Variants in PTPRD observed in about 807,000 individuals in gnomAD.
PTPRD encodes the protein protein tyrosine phosphatase receptor type D.
PTPRD carries 34 observed loss-of-function variants against 214.5 expected under a neutral mutation model. The observed-to-expected ratio is 0.16, with a 90% CI of 0.12 to 0.21. The LOEUF (loss-of-function observed/expected upper bound fraction) is 0.21. PTPRD is among the 10% of genes least tolerant of loss of function. The pLI is 1.00. For synonymous variants in PTPRD, 1,128 were observed against 845.7 expected, an observed-to-expected ratio of 1.33 and a Z score of -5.79; for missense variants, 2,545 against 2,398.7, an observed-to-expected ratio of 1.06 and a Z score of -1.27.
intron 2 of PTPRD, among the ~76,000 whole-genome samples, chr9:10,354,767 C>G (rs1234438419): frequency 1.3e-5 from 2 of 152,068 alleles, no homozygotes; most frequent in African/African-American, 4.8e-5. Flanking sequence ...ATCTTCATGT[C>G]ATTTTTTACT....
At chr9:9,081,990 G>GC (rs1024630359) in intron 10 of PTPRD, among the ~76,000 whole-genome samples, 1 of 151,786 alleles carries the variant, frequency 6.6e-6, no homozygotes, top group African/African-American at 2.4e-5. Flanking sequence ...ACCAAAAAAA[G>GC]CCCAAGACCA....
chr9:9,078,538 T>C (rs1023217594), intron 10 of PTPRD, among the ~76,000 whole-genome samples: 9 of 152,078 alleles, frequency 5.9e-5, no homozygotes, highest in Non-Finnish European at 1.3e-4. Flanking sequence ...AAGAAAGAAA[T>C]ACTTGGCTCA....
intron 2 of PTPRD, among the ~76,000 whole-genome samples, chr9:10,533,611 T>C (rs1166530264): frequency 6.6e-6 from 1 of 151,970 alleles, no homozygotes; most frequent in Non-Finnish European, 1.5e-5. Flanking sequence ...TAATAAATAA[T>C]GGTAATATGA....
At chr9:8,868,000 T>C (rs551166735) in intron 11 of PTPRD, among the ~76,000 whole-genome samples, 1 of 152,282 alleles carries the variant, frequency 6.6e-6, no homozygotes, top group Non-Finnish European at 1.5e-5. Flanking sequence ...TATTCTATCA[T>C]ATTGTCTACA....
chr9:9,288,627 T>C (rs796303482), intron 9 of PTPRD, among the ~76,000 whole-genome samples: 7 of 152,096 alleles, frequency 4.6e-5, no homozygotes, highest in African/African-American at 1.7e-4. Flanking sequence ...AAAGCTATTG[T>C]CCAACAGTAA....
At chr9:9,687,182 C>T (rs1255937577) in intron 7 of PTPRD, among the ~76,000 whole-genome samples, 2 of 151,846 alleles carry the variant, frequency 1.3e-5, no homozygotes, top group Non-Finnish European at 2.9e-5. Flanking sequence ...CATAAAGGCA[C>T]ACTCGTGAGT....
chr9:9,176,363 A>C (rs1306132981), intron 10 of PTPRD, among the ~76,000 whole-genome samples: 2 of 152,196 alleles, frequency 1.3e-5, no homozygotes, highest in Non-Finnish European at 1.5e-5. Context: ...GTCAGTCTCT[A>C]TCTATATAGT....
intron 4 of PTPRD, among the ~76,000 whole-genome samples, chr9:9,939,756 C>T (rs904219866): frequency 1.3e-5 from 2 of 152,036 alleles, no homozygotes; most frequent in African/African-American, 2.4e-5. Context: ...TCTCATCTTG[C>T]TAATACTCAT....
chr9:9,406,759 T>G (rs1044981300), intron 8 of PTPRD, among the ~76,000 whole-genome samples: 1 of 151,586 alleles, frequency 6.6e-6, no homozygotes, highest in Non-Finnish European at 1.5e-5. Context: ...AGGAGAATAT[T>G]AATGAGCAAT....
At chr9:8,553,643 A>C (rs2082788358) in intron 14 of PTPRD, among the ~76,000 whole-genome samples, 1 of 152,206 alleles carries the variant, frequency 6.6e-6, no homozygotes, top group Non-Finnish European at 1.5e-5. Flanking sequence ...TCAGCATTCT[A>C]AAATGTATGC....
intron 5 of PTPRD, among the ~76,000 whole-genome samples, chr9:9,826,076 T>C (rs2052722817): frequency 6.6e-6 from 1 of 151,780 alleles, no homozygotes; most frequent in African/African-American, 2.4e-5. Context: ...TTGTTTTTCT[T>C]CTTCAGGGAC....
At chr9:10,447,165 C>A (rs966787208) in intron 2 of PTPRD, among the ~76,000 whole-genome samples, 2 of 152,040 alleles carry the variant, frequency 1.3e-5, no homozygotes, top group Non-Finnish European at 2.9e-5. Flanking sequence ...CTTTCTAGAT[C>A]TCCTGATGTG....
At chr9:9,981,096 C>T (rs1042705821) in intron 4 of PTPRD, among the ~76,000 whole-genome samples, 1 of 152,036 alleles carries the variant, frequency 6.6e-6, no homozygotes, top group Admixed American at 6.6e-5. Flanking sequence ...AAGTCTACAT[C>T]ACGTTATTAT....
At chr9:9,255,619 A>T (rs903879547) in intron 9 of PTPRD, among the ~76,000 whole-genome samples, 7 of 152,050 alleles carry the variant, frequency 4.6e-5, no homozygotes, top group Admixed American at 1.3e-4. Context: ...GCACTTATAG[A>T]TGTACAAAGA....
intron 12 of PTPRD, among the ~76,000 whole-genome samples, chr9:8,657,250 C>T (rs1220768612): frequency 6.6e-6 from 1 of 151,018 alleles, no homozygotes; most frequent in African/African-American, 2.4e-5. Context: ...TCACTGCAAC[C>T]TCTGCCTCCC....
intron 7 of PTPRD, among the ~76,000 whole-genome samples, chr9:9,629,219 G>C (rs907066189): frequency 8.4e-6 from 1 of 118,988 alleles, no homozygotes; most frequent in African/African-American, 3.8e-5. Flanking sequence ...ATTCTGGGGA[G>C]ATATATATGT....
chr9:9,335,456 T>G (rs970554310), intron 9 of PTPRD, among the ~76,000 whole-genome samples: 1 of 152,104 alleles, frequency 6.6e-6, no homozygotes, highest in African/African-American at 2.4e-5. Context: ...TAACGGGTAG[T>G]GTACAGTAGA....
At chr9:9,144,002 C>T (rs2099864444) in intron 10 of PTPRD, among the ~76,000 whole-genome samples, 1 of 152,230 alleles carries the variant, frequency 6.6e-6, no homozygotes, top group African/African-American at 2.4e-5. Context: ...AATGGAGGCA[C>T]ACTTCTTCTA....
At chr9:9,190,300 G>C (rs1430982182) in intron 9 of PTPRD, among the ~76,000 whole-genome samples, 4 of 152,028 alleles carry the variant, frequency 2.6e-5, no homozygotes, top group Non-Finnish European at 5.9e-5. Flanking sequence ...GTATCTCCCA[G>C]AATTCCCACA....
Sources: gnomAD v4.1 joint callset for allele counts (sites outside exome capture counted in the v4.1 genomes callset) on GRCh38, gnomAD v4.1.1 for gene constraint, MANE v1.5 for transcripts, NCBI Gene and HGNC (gene_info 2026-07-23, HGNC 2026-07-21) for gene names.